Variants in GRB2 observed in about 807,000 individuals in gnomAD.
GRB2 encodes growth factor receptor bound protein 2, also known as growth factor receptor-bound protein 2.
GRB2 carries 2 observed loss-of-function variants against 27.4 expected under a neutral mutation model. That is an observed-to-expected ratio of 0.07 (90% confidence interval 0.03 to 0.23). GRB2 has a LOEUF of 0.23. Ranked by LOEUF, GRB2 falls within the 10% of genes least tolerant of loss-of-function variation. The pLI is 1.00. For synonymous variants in GRB2, 94 were observed against 99.6 expected, an observed-to-expected ratio of 0.94 and a Z score of 0.33; for missense variants, 102 against 282.4, an observed-to-expected ratio of 0.36 and a Z score of 4.58.
intron 2 of GRB2, among the ~76,000 whole-genome samples, chr17:75,388,689 T>A (rs151013508): frequency 2.6e-4 from 40 of 151,826 alleles, no homozygotes; most frequent in Non-Finnish European, 5.2e-4. Flanking sequence ...AATCTTCCTC[T>A]CTCAGCTTCA....
At chr17:75,355,166 C>A (rs1197627363) in intron 2 of GRB2, among the ~76,000 whole-genome samples, 1 of 152,224 alleles carries the variant, frequency 6.6e-6, no homozygotes, top group Non-Finnish European at 1.5e-5. Context: ...TACGAAGGTG[C>A]TGAATCCCAT....
intron 2 of GRB2, among the ~76,000 whole-genome samples, chr17:75,333,544 C>T (rs1369729209): frequency 6.6e-6 from 1 of 152,098 alleles, no homozygotes; most frequent in South Asian, 2.1e-4. Context: ...TTATTAGACT[C>T]CTCTAGAGAT....
At chr17:75,329,349 A>G (rs1456872066) in intron 3 of GRB2, among the ~76,000 whole-genome samples, 2 of 152,146 alleles carry the variant, frequency 1.3e-5, no homozygotes, top group Non-Finnish European at 2.9e-5. Context: ...GCTTCCCTCA[A>G]ACTCCCCAGA....
chr17:75,360,198 ACT>A (rs10535842), intron 2 of GRB2, among the ~76,000 whole-genome samples: 130,562 of 152,004 alleles, frequency 0.86, 57,600 homozygotes, highest in Non-Finnish European at 0.96. Flanking sequence ...ATGATTTTTT[ACT>A]CTGTTTTATT....
intron 2 of GRB2, chr17:75,371,178 T>G (rs2078854005): frequency 6.6e-6 from 1 of 151,916 alleles, no homozygotes; most frequent in African/African-American, 2.4e-5. Flanking sequence ...AAAATAACAC[T>G]GATTAAGTAT....
chr17:75,360,300 T>C (rs1222145999), intron 2 of GRB2, among the ~76,000 whole-genome samples: 1 of 152,220 alleles, frequency 6.6e-6, no homozygotes, highest in Non-Finnish European at 1.5e-5. Flanking sequence ...ATTACTATCT[T>C]AGAAACATAA....
chr17:75,380,015 C>G (rs2078917517), intron 2 of GRB2, among the ~76,000 whole-genome samples: 1 of 152,170 alleles, frequency 6.6e-6, no homozygotes, highest in African/African-American at 2.4e-5. Flanking sequence ...AACTAGAAAT[C>G]TAGATAGCAA....
chr17:75,338,997 G>A (rs2078600990), intron 2 of GRB2: 1 of 1,254,496 alleles, frequency 8.0e-7, no homozygotes, highest in Non-Finnish European at 1.2e-6. Flanking sequence ...CGATTTTCCG[G>A]AAAAAGGCTG....
At position 75,393,666 on chromosome 17, in the gene GRB2, G is replaced by C. The variant is rs753587404; in HGVS notation, c.-38C>G. On this transcript the variant is annotated 5_prime_UTR_variant, in exon 2 of 6. Coordinates refer to ENST00000316804, the MANE Select transcript of GRB2 (RefSeq NM_002086.5). ...TCAGTGCTCAGCAGCCTGAAGCAGGGGGAAGGGAGTCTTCCCTGCTGAAGC... is the reference window on the plus strand; with the variant it reads ...TCAGTGCTCAGCAGCCTGAAGCAGGCGGAAGGGAGTCTTCCCTGCTGAAGC... 1.5e-5 allele frequency: 23 copies of C among 1,554,832 alleles called. No homozygotes were observed. Among genetic ancestry groups the C allele is most frequent in the Non-Finnish European group, 2.0e-5 (23 of 1,126,496 alleles).
At chr17:75,399,420 T>G (rs2079049616) in intron 1 of GRB2, among the ~76,000 whole-genome samples, 1 of 146,622 alleles carries the variant, frequency 6.8e-6, no homozygotes, top group Non-Finnish European at 1.5e-5. Context: ...CAGGCTGGAA[T>G]GCAGTGGCAC....
chr17:75,330,208 C>A (rs566865724), intron 3 of GRB2, among the ~76,000 whole-genome samples: 1 of 151,750 alleles, frequency 6.6e-6, no homozygotes, highest in Admixed American at 6.6e-5. Flanking sequence ...ACAGTGAAAC[C>A]CCATCTCTAC....
At chr17:75,399,524 C>T (rs1305402879) in intron 1 of GRB2, among the ~76,000 whole-genome samples, 1 of 151,662 alleles carries the variant, frequency 6.6e-6, no homozygotes, top group Non-Finnish European at 1.5e-5. Flanking sequence ...CCCACCACCA[C>T]GACTGACTAA....
chr17:75,324,340 C>T (rs12940323), intron 4 of GRB2, among the ~76,000 whole-genome samples: 3,095 of 147,058 alleles, frequency 0.021, 123 homozygotes, highest in African/African-American at 0.073. Flanking sequence ...TACAGGCACA[C>T]GCCACCACGC....
chr17:75,341,400 C>T (rs1027750653), intron 2 of GRB2, among the ~76,000 whole-genome samples: 3 of 145,246 alleles, frequency 2.1e-5, no homozygotes, highest in South Asian at 2.2e-4. Context: ...TGCAGTGAGC[C>T]GAGATCACGC....
chr17:75,362,796 A>G (rs1343599378), intron 2 of GRB2, among the ~76,000 whole-genome samples: 1 of 152,194 alleles, frequency 6.6e-6, no homozygotes, highest in Non-Finnish European at 1.5e-5. Context: ...GTGTGGGCCA[A>G]TCTTAAAAAG....
intron 2 of GRB2, among the ~76,000 whole-genome samples, chr17:75,379,121 A>C (rs1476145953): frequency 1.3e-5 from 2 of 152,136 alleles, no homozygotes; most frequent in African/African-American, 4.8e-5. Context: ...GTTATGTTTT[A>C]TGGTACCCAG....
At chr17:75,346,814 TG>T (rs1463251504) in intron 2 of GRB2, among the ~76,000 whole-genome samples, 2 of 151,976 alleles carry the variant, frequency 1.3e-5, no homozygotes, top group Non-Finnish European at 1.5e-5. Flanking sequence ...CAAGTCACCT[TG>T]GCCTCTCAAA....
In GRB2 at chr17:75,385,233, C is replaced by T. The variant is rs1023707290; in HGVS notation, c.78+8318G>A. On this transcript the variant is annotated intron_variant, in intron 2 of 5. Coordinates refer to ENST00000316804, the MANE Select transcript of GRB2 (RefSeq NM_002086.5). The stretch of plus-strand genomic sequence containing the variant: ...CCCAGCCTGGGTGACAGAGCAAGAC[C>T]CTGTTTCAAAAATGAAAATAAGGCT... Among the ~76,000 whole-genome samples, 3 of 151,812 alleles carry T rather than the reference C, an allele frequency of 2.0e-5. No homozygotes were observed. The South Asian group carries it at 6.2e-4, about 32-fold the overall frequency.
chr17:75,345,500 G>A (rs560753072), intron 2 of GRB2, among the ~76,000 whole-genome samples: 2 of 152,162 alleles, frequency 1.3e-5, no homozygotes, highest in African/African-American at 4.8e-5. Flanking sequence ...ATTCACCAAC[G>A]TGTGCATAAG....
Sources: allele counts gnomAD v4.1 joint callset (sites outside exome capture counted in the v4.1 genomes callset), GRCh38; gene constraint gnomAD v4.1.1; transcripts MANE v1.5; gene names NCBI Gene and HGNC (gene_info 2026-07-23, HGNC 2026-07-21).